Variants in PTPN13 observed in about 807,000 individuals in gnomAD.
The protein encoded by PTPN13 is tyrosine-protein phosphatase non-receptor type 13.
A neutral mutation model predicts 284.0 loss-of-function variants in PTPN13; 191 were observed. That is an observed-to-expected ratio of 0.67 (90% CI 0.60 to 0.76). The LOEUF is 0.76. PTPN13 is among the 30% of genes least tolerant of loss of function. The probability of loss-of-function intolerance (pLI) is 0.00; values close to 1 mark genes in which losing one functional copy is unlikely to be tolerated. For missense variants in PTPN13, 2,797 were observed against 2,939.9 expected, an observed-to-expected ratio of 0.95 and a Z score of 1.12; for synonymous variants, 986 against 1,022.3, an observed-to-expected ratio of 0.96 and a Z score of 0.68.
chr4:86,689,846 C>T (rs1565331126), intron 5 of PTPN13: 1 of 671,190 alleles, frequency 1.5e-6, no homozygotes, highest in Non-Finnish European at 2.7e-6. Context: ...CTTGTTTGCC[C>T]TATCTGATCT....
chr4:86,796,976 TAAATG>T (rs769451937), intron 41 of PTPN13, 47 bp downstream of exon 41: 2 of 1,121,454 alleles, frequency 1.8e-6, no homozygotes, highest in Non-Finnish European at 2.6e-6. Context: ...TGTCTATCTA[TAAATG>T]CTCTGAAGAT....
At chr4:86,680,557 C>T (rs1239704234) in intron 3 of PTPN13, among the ~76,000 whole-genome samples, 5 of 152,142 alleles carry the variant, frequency 3.3e-5, no homozygotes, top group East Asian at 1.9e-4. Flanking sequence ...TCTCTTCTCT[C>T]GGACTTTTGT....
intron 3 of PTPN13, among the ~76,000 whole-genome samples, chr4:86,679,711 CA>C (rs1396739133): frequency 6.6e-6 from 1 of 152,188 alleles, no homozygotes; most frequent in Non-Finnish European, 1.5e-5. Context: ...ACATGTAAAG[CA>C]GCTCATATTT....
chr4:86,605,654 C>G (rs2149172850), intron 1 of PTPN13, among the ~76,000 whole-genome samples: 1 of 151,886 alleles, frequency 6.6e-6, no homozygotes, highest in Admixed American at 6.6e-5. Context: ...ATAATTTACA[C>G]TTAATGATAG....
chr4:86,811,096 G>C lies in PTPN13; in HGVS notation c.7350G>C (p.Met2450Ile). Residue 2450 changes from methionine (M) to isoleucine (I), a missense_variant, in exon 47 of 48, where the codon ATG becomes ATC. Transcript: ENST00000411767. ...GCATGAGACTACAAAGACACGGAATGGTTCAGACAGAGGTGAGTCATGGCT... is the reference window on the plus strand; with the variant it reads ...GCATGAGACTACAAAGACACGGAATCGTTCAGACAGAGGTGAGTCATGGCT... ...VRCMRLQRHG[M>I]VQTEDQYIFC... 1.2e-6 allele frequency: 2 copies of C among 1,613,290 alleles called. No homozygotes were observed. The highest frequency in any genetic ancestry group is 1.7e-6 in the Non-Finnish European group (2 of 1,179,474).
rs752932690 is a variant in PTPN13, at chr4:86,785,261, A to G, written c.6149A>G (p.Asp2050Gly). 1.3e-6 allele frequency: 2 copies of G among 1,579,794 alleles called. No individual in the cohort carries two copies. Among genetic ancestry groups the G allele is most frequent in the African/African-American group, 1.4e-5 (1 of 73,908 alleles). The change falls in exon 39 of 48, where the codon GAT becomes GGT. Residue 2050 changes from aspartate to glycine, a missense_variant. Physicochemically the swap from Asp to Gly is moderately conservative, Grantham distance 94 (BLOSUM62 -1). Coordinates refer to ENST00000411767, the MANE Select transcript of PTPN13 (RefSeq NM_080683.3). ...ESYIQEDDIY[D>G]DSQEAEVIQS... ...TATATACAAGAAGATGACATTTATG[A>G]TGATTCCCAAGAAGCTGAAGTTATC...
chr4:86,685,722 ACT>A (rs1402850573), intron 3 of PTPN13, among the ~76,000 whole-genome samples: 4 of 152,144 alleles, frequency 2.6e-5, no homozygotes, highest in African/African-American at 9.7e-5. Context: ...TTTGTGAAAA[ACT>A]CTTACATGTA....
intron 1 of PTPN13, among the ~76,000 whole-genome samples, chr4:86,600,288 C>T (rs12510393): frequency 6.6e-6 from 1 of 151,990 alleles, no homozygotes; most frequent in Non-Finnish European, 1.5e-5. Context: ...TCATCCTATA[C>T]CCCCTCCTTA....
chr4:86,631,965 A>G lies in PTPN13; in HGVS notation c.-5-3287A>G, dbSNP rs1578291888. ...CATAAATATATGTGTGTATGTATGT[A>G]TAAAGCCAACATACTGGTTTTACAA... is the stretch of plus-strand genomic sequence containing the variant. On this transcript the variant is annotated intron_variant, in intron 1 of 47. Transcript: ENST00000411767. Among the ~76,000 whole-genome samples the G allele has an allele frequency of 4.6e-5, 7 of 152,286 alleles. 1 individual carries two copies. The South Asian group carries it at 1.5e-3, about 32-fold the overall frequency.
At chr4:86,720,562 C>G (rs1476801628) in intron 9 of PTPN13, among the ~76,000 whole-genome samples, 1 of 152,108 alleles carries the variant, frequency 6.6e-6, no homozygotes, top group Admixed American at 6.6e-5. Context: ...CTAGTTCCAT[C>G]TTTTTTCTGC....
At chr4:86,618,469 C>T (rs549032140) in intron 1 of PTPN13, among the ~76,000 whole-genome samples, 6 of 152,248 alleles carry the variant, frequency 3.9e-5, no homozygotes, top group African/African-American at 1.2e-4. Context: ...TGAAGAAAGT[C>T]ATTGGTAGCT....
At chr4:86,709,504 G>C (rs1732141380) in intron 7 of PTPN13, among the ~76,000 whole-genome samples, 1 of 152,162 alleles carries the variant, frequency 6.6e-6, no homozygotes, top group African/African-American at 2.4e-5. Context: ...TGCTATTTCA[G>C]ATAATGGGTT....
chr4:86,809,892 C>T lies in PTPN13; in HGVS notation c.7207C>T (p.Pro2403Ser). The T allele has an allele frequency of 6.2e-7, 1 of 1,613,964 alleles. No individual in the cohort carries two copies. The highest frequency in any genetic ancestry group is 8.5e-7 in the Non-Finnish European group (1 of 1,179,882). The change falls in exon 46 of 48, where the codon CCA becomes TCA. Residue 2403 changes from proline (P) to serine (S), a missense_variant. By Grantham distance (74) the Pro-to-Ser change is moderately conservative. Transcript: ENST00000411767. ...CATGAGACACATCCACAGATCAGGC[C>T]CAATCATTACGCACTGCAGTGCTGG... is the stretch of plus-strand genomic sequence containing the variant. Reference protein sequence around the residue: ...SYMRHIHRSGPIITHCSAGIG... With the variant: ...SYMRHIHRSGSIITHCSAGIG...
chr4:86,801,299 C>T (rs1744004277), intron 42 of PTPN13, among the ~76,000 whole-genome samples: 1 of 152,206 alleles, frequency 6.6e-6, no homozygotes, highest in African/African-American at 2.4e-5. Flanking sequence ...ATCAGTGTTC[C>T]TGGAGTAATC....
chr4:86,668,878 A>G (rs936206254), intron 2 of PTPN13, among the ~76,000 whole-genome samples: 4 of 149,100 alleles, frequency 2.7e-5, no homozygotes, highest in Admixed American at 1.4e-4. Flanking sequence ...AAGTGCTGGG[A>G]TTACAGGCAT....
intron 37 of PTPN13, among the ~76,000 whole-genome samples, chr4:86,782,923 T>C (rs1237782680): frequency 6.6e-6 from 1 of 152,224 alleles, no homozygotes; most frequent in Non-Finnish European, 1.5e-5. Context: ...GTATGTAATA[T>C]ACATTTCTAC....
chr4:86,713,810 T>C (rs993635385), intron 7 of PTPN13, among the ~76,000 whole-genome samples: 1 of 152,238 alleles, frequency 6.6e-6, no homozygotes, highest in Admixed American at 6.5e-5. Context: ...CAATTTCCAG[T>C]TCATCATCCC....
At position 86,728,643 on chromosome 4, in the gene PTPN13, C is replaced by CTTTTT. The variant is rs57773658; in HGVS notation, c.1609-3727_1609-3723dup. 3.3e-4 allele frequency among the ~76,000 whole-genome samples: 8 copies of CTTTTT among 24,502 alleles called. 2 individuals carry two copies. The highest frequency in any genetic ancestry group is 3.8e-4 in the Non-Finnish European group (5 of 13,142). 16.1% of individuals were successfully genotyped at this position (24,502 alleles called of 152,430 possible). A position where few individuals can be genotyped will look rare whatever the true frequency, so the allele number is the denominator to read the frequency against. ...CAGAGACTAGGATTGCAACCCCTGCCTTTTTTTTTTTTTTTTTTTTTTTTT... is the reference window on the plus strand; with the variant it reads ...CAGAGACTAGGATTGCAACCCCTGCCTTTTTTTTTTTTTTTTTTTTTTTTTTTTTT... On this transcript the variant is annotated intron_variant, in intron 10 of 47. Coordinates refer to ENST00000411767, the MANE Select transcript of PTPN13 (RefSeq NM_080683.3).
chr4:86,727,267 A>G lies in PTPN13; in HGVS notation c.1608+4833A>G, dbSNP rs986691201. 3.7e-4 allele frequency among the ~76,000 whole-genome samples: 55 copies of G among 149,412 alleles called. 2 individuals carry two copies. The highest frequency in any genetic ancestry group is 1.0e-3 in the African/African-American group (43 of 41,000). ...GATGTTCATCAGGGATATTGGTCTA[A>G]AATTCTCTGTTTTTGTTGTGTCTCT... is the stretch of plus-strand genomic sequence containing the variant. On this transcript the variant is annotated intron_variant, in intron 10 of 47. Transcript: ENST00000411767.
Sources: gnomAD v4.1 joint callset for allele counts (sites outside exome capture counted in the v4.1 genomes callset) on GRCh38, gnomAD v4.1.1 for gene constraint, MANE v1.5 for transcripts, NCBI Gene and HGNC (gene_info 2026-07-23, HGNC 2026-07-21) for gene names.